UPF2: variants seen among roughly 807,000 people sequenced by gnomAD.
The protein encoded by UPF2 is regulator of nonsense transcripts 2.
A neutral mutation model predicts 141.4 loss-of-function variants in UPF2; 17 were observed. The observed-to-expected ratio is 0.12, with a 90% CI of 0.08 to 0.18. The LOEUF (loss-of-function observed/expected upper bound fraction) is 0.18, where lower values mean the gene tolerates loss of function less well. Ranked by LOEUF, UPF2 falls within the 10% of genes least tolerant of loss-of-function variation. The pLI, the probability that UPF2 is intolerant of heterozygous loss-of-function variation, is 1.00. For missense variants in UPF2, 1,152 were observed against 1,515.9 expected (o/e 0.76, Z 3.99); for synonymous variants, 540 against 498.0 (o/e 1.08, Z -1.12).
At chr10:11,996,460 G>A (rs1833866361) in intron 8 of UPF2, among the ~76,000 whole-genome samples, 1 of 151,736 alleles carries the variant, frequency 6.6e-6, no homozygotes, top group South Asian at 2.1e-4. Context: ...CGGTTCTCCT[G>A]CCATGGCCTC....
Position 11,933,776 on chromosome 10 carries a change from G to A in UPF2, c.3547-1994C>T, listed in dbSNP as rs763513760. Reference sequence around the variant, plus strand: ...GATGGGGTGTAGAGTTGACAAAGGTGTTAATGAATATTCATGTACTTCATG... The same window carrying A: ...GATGGGGTGTAGAGTTGACAAAGGTATTAATGAATATTCATGTACTTCATG... On this transcript the variant is annotated intron_variant, in intron 19 of 21. Transcript: ENST00000357604. Among the ~76,000 whole-genome samples, 4 of 152,136 alleles carry A rather than the reference G, an allele frequency of 2.6e-5. No homozygotes were observed. In the South Asian group the frequency reaches 8.3e-4, roughly 31 times the overall value.
chr10:12,004,296 C>T (rs1833999484), intron 5 of UPF2, among the ~76,000 whole-genome samples: 1 of 152,172 alleles, frequency 6.6e-6, no homozygotes, highest in African/African-American at 2.4e-5. Flanking sequence ...TATAAACAAA[C>T]ACTTTCCAAT....
In UPF2 at chr10:11,956,368, C is replaced by A; in HGVS notation, c.2526G>T (p.Gly842=). Residue 842 remains glycine, a synonymous_variant, in exon 13 of 22, where the codon GGG becomes GGT. Transcript: ENST00000357604. This position sits in a 1 kb window ranked among gnomAD's most constrained non-coding sequence, Gnocchi z 4.2. ...AGLVLYQEDV[G]IHVVDGVLED... ...CTAACACTCCATCCACAACGTGGATCCCAACATCCTCTTGGTAGAGCACTA... is the reference window on the plus strand; with the variant it reads ...CTAACACTCCATCCACAACGTGGATACCAACATCCTCTTGGTAGAGCACTA... 6.2e-7 allele frequency: 1 copy of A among 1,614,142 alleles called. No individual in the cohort carries two copies. The highest frequency in any genetic ancestry group is 8.5e-7 in the Non-Finnish European group (1 of 1,180,020).
chr10:12,004,432 A>G (rs1231959297), intron 5 of UPF2, 98 bp downstream of exon 5: 5 of 939,168 alleles, frequency 5.3e-6, no homozygotes, highest in Non-Finnish European at 7.7e-6. Context: ...CATATTACAA[A>G]ACTAGTAACT....
chr10:11,940,542 T>C lies in UPF2; in HGVS notation c.3378+2123A>G, dbSNP rs1832924135. Among the ~76,000 whole-genome samples, 1 of 152,178 alleles carries C rather than the reference T, an allele frequency of 6.6e-6. No homozygotes were observed. Among genetic ancestry groups the C allele is most frequent in the Admixed American group, 6.5e-5 (1 of 15,272 alleles). ...CGGCCAAAGGGAAACTTTTGCTCATTGGTCCCTTGTTTCCTGTCCCAGAGA... is the reference window on the plus strand; with the variant it reads ...CGGCCAAAGGGAAACTTTTGCTCATCGGTCCCTTGTTTCCTGTCCCAGAGA... On this transcript the variant is annotated intron_variant, in intron 18 of 21. Transcript: ENST00000357604. This position sits in a 1 kb window ranked among gnomAD's most constrained non-coding sequence, Gnocchi z 4.2.
intron 21 of UPF2, among the ~76,000 whole-genome samples, 167 bp downstream of exon 21, chr10:11,929,698 T>G (rs1010523718): frequency 6.6e-6 from 1 of 152,002 alleles, no homozygotes; most frequent in Non-Finnish European, 1.5e-5. Context: ...ATAAAGCAGG[T>G]TTTTCCCCCT....
chr10:12,027,070 C>A (rs542063870), intron 3 of UPF2, among the ~76,000 whole-genome samples: 1 of 151,878 alleles, frequency 6.6e-6, no homozygotes, highest in South Asian at 2.1e-4. Context: ...CCATCCATAC[C>A]AGAAAAAAGA....
intron 8 of UPF2, among the ~76,000 whole-genome samples, chr10:11,991,140 C>T (rs113069911): frequency 2.3e-4 from 35 of 151,992 alleles, no homozygotes; most frequent in African/African-American, 7.2e-4. Flanking sequence ...GAACAAATTC[C>T]TCAAAACCTA....
intron 4 of UPF2, among the ~76,000 whole-genome samples, chr10:12,007,079 T>A (rs1834046904): frequency 6.6e-6 from 1 of 152,174 alleles, no homozygotes; most frequent in Non-Finnish European, 1.5e-5. Context: ...GGGTATTTTG[T>A]TACAGCAGCC....
At chr10:11,985,629 A>C (rs1326775075) in intron 8 of UPF2, among the ~76,000 whole-genome samples, 3 of 150,642 alleles carry the variant, frequency 2.0e-5, no homozygotes, top group East Asian at 2.0e-4. Context: ...TCCAAAAAAA[A>C]AAAAAAACAA....
At chr10:11,938,853 G>GGT (rs1832889411) in intron 18 of UPF2, among the ~76,000 whole-genome samples, 1 of 79,816 alleles carries the variant, frequency 1.3e-5, no homozygotes, top group Non-Finnish European at 2.3e-5. Context: ...TTTTTTTTTT[G>GGT]TTTTTTTTTT....
intron 1 of UPF2, among the ~76,000 whole-genome samples, chr10:12,036,823 C>T (rs997598153): frequency 2.6e-5 from 4 of 152,076 alleles, no homozygotes; most frequent in Non-Finnish European, 5.9e-5. Context: ...GTCGAGAGTT[C>T]GAGACCAACC....
intron 9 of UPF2, among the ~76,000 whole-genome samples, chr10:11,974,866 A>AAACT (rs1370472972): frequency 6.6e-6 from 1 of 152,138 alleles, no homozygotes; most frequent in Non-Finnish European, 1.5e-5. Context: ...TAGGGAGGGG[A>AAACT]AACTGAAAAT....
intron 20 of UPF2, among the ~76,000 whole-genome samples, chr10:11,930,540 G>A (rs999559579): frequency 1.3e-5 from 2 of 152,216 alleles, no homozygotes; most frequent in African/African-American, 4.8e-5. Flanking sequence ...ACTTTGGGAT[G>A]CAGAGGCGGG....
At chr10:12,007,756 G>A (rs1588566103) in intron 4 of UPF2, among the ~76,000 whole-genome samples, 2 of 151,646 alleles carry the variant, frequency 1.3e-5, no homozygotes, top group East Asian at 1.9e-4. Context: ...GTGTGAACCC[G>A]GGGAGCAGAG....
chr10:11,926,374 C>T (rs1161136024), intron 21 of UPF2, among the ~76,000 whole-genome samples: 1 of 152,240 alleles, frequency 6.6e-6, no homozygotes, highest in South Asian at 2.1e-4. Context: ...GGCTGGAGAC[C>T]TGGATGGAAG....
rs1219080991 is a variant in UPF2 at position 11,939,304 on chromosome 10, G to C, written c.3379-2592C>G. Among the ~76,000 whole-genome samples, 2 of 152,158 alleles carry C rather than the reference G, an allele frequency of 1.3e-5. No individual in the cohort carries two copies. The highest frequency in any genetic ancestry group is 4.8e-5 in the African/African-American group (2 of 41,412). On this transcript the variant is annotated intron_variant, in intron 18 of 21. Transcript: ENST00000357604. This position sits in a 1 kb window ranked among gnomAD's most constrained non-coding sequence, Gnocchi z 4.8. ...GGCCCAACAGTCTTCATAATTATTG[G>C]AGTGTTTGATAGATTTGCAATTAAT...
intron 9 of UPF2, among the ~76,000 whole-genome samples, chr10:11,969,661 T>G (rs532976227): frequency 6.6e-6 from 1 of 152,252 alleles, no homozygotes; most frequent in South Asian, 2.1e-4. Context: ...AAATGTTTCA[T>G]ATACATGCAC....
At chr10:12,004,326 T>C (rs1386069509) in intron 5 of UPF2, among the ~76,000 whole-genome samples, 3 of 152,340 alleles carry the variant, frequency 2.0e-5, no homozygotes, top group Non-Finnish European at 4.4e-5. Flanking sequence ...TTAACTTAAA[T>C]GTATCAGCAC....
Sources: allele counts gnomAD v4.1 joint callset (sites outside exome capture counted in the v4.1 genomes callset), GRCh38; gene constraint gnomAD v4.1.1; non-coding constraint Gnocchi (gnomAD v3.1); transcripts MANE v1.5; gene names NCBI Gene and HGNC (gene_info 2026-07-23, HGNC 2026-07-21).